TCF12: variants seen among roughly 807,000 people sequenced by gnomAD.
The protein encoded by TCF12 is transcription factor 12.
TCF12 carries 45 observed loss-of-function variants against 86.0 expected under a neutral mutation model. The observed-to-expected ratio is 0.52, with a 90% CI of 0.41 to 0.67. The LOEUF (loss-of-function observed/expected upper bound fraction) is 0.67. TCF12 is among the 30% of genes least tolerant of loss of function. TCF12 has a pLI of 0.00. For synonymous variants in TCF12, 330 were observed against 299.6 expected, an observed-to-expected ratio of 1.10 and a Z score of -1.05; for missense variants, 881 against 859.9, an observed-to-expected ratio of 1.02 and a Z score of -0.31.
chr15:57,243,241 A>C (rs185028861), intron 12 of TCF12, among the ~76,000 whole-genome samples: 2 of 152,336 alleles, frequency 1.3e-5, no homozygotes, highest in Admixed American at 1.3e-4. Context: ...AGAATAATAA[A>C]TACATGTGAT....
chr15:56,998,927 G>A (rs1293591112), intron 3 of TCF12, among the ~76,000 whole-genome samples: 1 of 152,050 alleles, frequency 6.6e-6, no homozygotes, highest in Non-Finnish European at 1.5e-5. Context: ...GGCTGGGCGC[G>A]GTGGCTCATG....
At chr15:57,215,335 C>A (rs1332285469) in intron 8 of TCF12, among the ~76,000 whole-genome samples, 1 of 152,110 alleles carries the variant, frequency 6.6e-6, no homozygotes, top group Admixed American at 6.6e-5. Context: ...TGAATTTGTT[C>A]AGTTGCAGAT....
Position 57,197,907 on chromosome 15 carries a change from C to A in TCF12, c.579+82C>A, listed in dbSNP as rs566767502. 18 of 1,377,718 alleles carry A rather than the reference C, an allele frequency of 1.3e-5. No individual in the cohort carries two copies. In the African/African-American group the frequency reaches 2.3e-4, roughly 18 times the overall value. 85.3% of individuals were successfully genotyped at this position (1,377,718 alleles called of 1,614,324 possible). A position where few individuals can be genotyped will look rare whatever the true frequency, so the allele number is the denominator to read the frequency against. On this transcript the variant is annotated intron_variant, in intron 8 of 20. Transcript: ENST00000333725. ...TATTACCTTGCTACAAGGGTACATTCGATTGATGCGAGTGGGCATACTTTA... is the reference window on the plus strand; with the variant it reads ...TATTACCTTGCTACAAGGGTACATTAGATTGATGCGAGTGGGCATACTTTA...
At chr15:57,121,243 A>G (rs1252914510) in intron 5 of TCF12, among the ~76,000 whole-genome samples, 3 of 152,170 alleles carry the variant, frequency 2.0e-5, no homozygotes, top group African/African-American at 7.2e-5. Context: ...TCGCTGATGG[A>G]TAGAACCAGA....
chr15:57,178,638 A>G (rs2056125093), intron 6 of TCF12, among the ~76,000 whole-genome samples: 1 of 152,226 alleles, frequency 6.6e-6, no homozygotes, highest in African/African-American at 2.4e-5. Flanking sequence ...TCATTAAAGA[A>G]AAGGCGCAAA....
chr15:56,961,277 T>C lies in TCF12; in HGVS notation c.148+40179T>C, dbSNP rs191897143. On this transcript the variant is annotated intron_variant, in intron 3 of 20. Transcript: ENST00000333725. ...GATAGATGAGAGAAAACTTGTATGCTGTGCTAATAATTGCAATAGAAATAT... is the reference window on the plus strand; with the variant it reads ...GATAGATGAGAGAAAACTTGTATGCCGTGCTAATAATTGCAATAGAAATAT... Among the ~76,000 whole-genome samples, 310 of 152,348 alleles carry C rather than the reference T, an allele frequency of 2.0e-3. 1 individual carries two copies. Among genetic ancestry groups the C allele is most frequent in the Admixed American group, 5.4e-3 (83 of 15,302 alleles).
chr15:56,949,665 TTGTGCCAGGCTC>T (rs2061173312), intron 3 of TCF12, among the ~76,000 whole-genome samples: 2 of 152,328 alleles, frequency 1.3e-5, no homozygotes, highest in South Asian at 4.1e-4. Context: ...AACATATAAT[TTGTGCCAGGCTC>T]TGTGCTTGGT....
chr15:56,958,227 C>G (rs960851361), intron 3 of TCF12, among the ~76,000 whole-genome samples: 2 of 152,134 alleles, frequency 1.3e-5, no homozygotes, highest in African/African-American at 2.4e-5. Flanking sequence ...GTCTGTCAGT[C>G]TCCCATCTTC....
At chr15:56,930,256 G>A (rs937626456) in intron 3 of TCF12, among the ~76,000 whole-genome samples, 1 of 152,176 alleles carries the variant, frequency 6.6e-6, no homozygotes, top group Non-Finnish European at 1.5e-5. Context: ...AGGTGGTTGG[G>A]GATGAATAAG....
chr15:57,136,740 A>G (rs1056269018), intron 5 of TCF12, among the ~76,000 whole-genome samples: 3 of 151,962 alleles, frequency 2.0e-5, no homozygotes, highest in South Asian at 2.1e-4. Flanking sequence ...CAGTGTTGCT[A>G]TCATGCCTTA....
chr15:56,998,159 A>G (rs2063810619), intron 3 of TCF12, among the ~76,000 whole-genome samples: 2 of 152,200 alleles, frequency 1.3e-5, no homozygotes, highest in Non-Finnish European at 2.9e-5. Context: ...CTAATGGTAT[A>G]GAATGCTTGA....
At chr15:56,959,241 G>C (rs535796197) in intron 3 of TCF12, among the ~76,000 whole-genome samples, 2 of 152,176 alleles carry the variant, frequency 1.3e-5, no homozygotes, top group African/African-American at 4.8e-5. Flanking sequence ...CATTCTCTTT[G>C]GTATATATGG....
intron 3 of TCF12, among the ~76,000 whole-genome samples, chr15:56,944,884 A>C (rs1595790323): frequency 6.6e-6 from 1 of 152,150 alleles, no homozygotes; most frequent in South Asian, 2.1e-4. Context: ...TTTCCATATA[A>C]ATTGTAATTA....
intron 16 of TCF12, among the ~76,000 whole-genome samples, chr15:57,261,269 A>G (rs560041815): frequency 1.2e-4 from 18 of 152,206 alleles, no homozygotes; most frequent in Non-Finnish European, 1.8e-4. Context: ...CATTTCATGG[A>G]AAGTGTGGTG....
chr15:57,182,004 A>C (rs1378085099), intron 6 of TCF12, among the ~76,000 whole-genome samples: 1 of 152,186 alleles, frequency 6.6e-6, no homozygotes, highest in Non-Finnish European at 1.5e-5. Context: ...TTTTCCAAGA[A>C]TATGTTAAGA....
intron 5 of TCF12, among the ~76,000 whole-genome samples, chr15:57,136,690 T>C (rs1281535712): frequency 6.6e-6 from 1 of 152,210 alleles, no homozygotes; most frequent in Non-Finnish European, 1.5e-5. Flanking sequence ...TGTTTTCTTT[T>C]TTTGAGACAA....
At chr15:56,927,644 A>T (rs1201614734) in intron 3 of TCF12, among the ~76,000 whole-genome samples, 2 of 152,114 alleles carry the variant, frequency 1.3e-5, no homozygotes, top group African/African-American at 2.4e-5. Flanking sequence ...TGTGGTACTG[A>T]CCACCTTTTT....
intron 8 of TCF12, among the ~76,000 whole-genome samples, chr15:57,199,032 A>G (rs1474861022): frequency 6.6e-6 from 1 of 152,164 alleles, no homozygotes; most frequent in Non-Finnish European, 1.5e-5. Flanking sequence ...TCTGAGTTTT[A>G]TGCAGCCTAG....
intron 5 of TCF12, among the ~76,000 whole-genome samples, chr15:57,133,311 C>G (rs892519139): frequency 2.0e-5 from 3 of 152,208 alleles, no homozygotes; most frequent in East Asian, 1.9e-4. Flanking sequence ...AGTCAGTTGC[C>G]TCACTCGAAA....
Sources: gnomAD v4.1 joint callset for allele counts (sites outside exome capture counted in the v4.1 genomes callset) on GRCh38, gnomAD v4.1.1 for gene constraint, MANE v1.5 for transcripts, NCBI Gene and HGNC (gene_info 2026-07-23, HGNC 2026-07-21) for gene names.